Variants in CLASP1 observed in about 807,000 individuals in gnomAD.
CLASP1 encodes CLIP-associating protein 1.
In CLASP1, 38 loss-of-function variants were observed where a neutral mutation model predicts 192.3. The ratio of observed to expected loss-of-function variants is 0.20; its 90% CI spans 0.15 to 0.26. The LOEUF (loss-of-function observed/expected upper bound fraction) is 0.26, where lower values mean the gene tolerates loss of function less well. Ranked by LOEUF, CLASP1 falls within the 10% of genes least tolerant of loss-of-function variation. CLASP1 has a pLI of 1.00. For synonymous variants in CLASP1, 691 were observed against 712.8 expected, an observed-to-expected ratio of 0.97 and a Z score of 0.49; for missense variants, 1,433 against 1,932.5, an observed-to-expected ratio of 0.74 and a Z score of 4.85.
rs1036071998 is a variant in CLASP1 at position 121,474,341 on chromosome 2, T to C, written c.713-4381A>G. Among the ~76,000 whole-genome samples, 14 of 152,264 alleles carry C rather than the reference T, an allele frequency of 9.2e-5. 1 individual carries two copies. The South Asian group carries it at 2.9e-3, about 32-fold the overall frequency. ...TATATTTTTCAAAGTTAATCATAAC[T>C]TGTCTAAATTGCCTGAAGATGTCAC... On this transcript the variant is annotated intron_variant, in intron 8 of 39. Coordinates refer to ENST00000263710, the Ensembl canonical transcript of CLASP1.
At chr2:121,461,534 C>G (rs1239882031) in intron 10 of CLASP1, among the ~76,000 whole-genome samples, 1 of 152,166 alleles carries the variant, frequency 6.6e-6, no homozygotes, top group African/African-American at 2.4e-5. Flanking sequence ...TAACATGACA[C>G]TATACCTATA....
At chr2:121,447,453 C>T (rs371060582) in exon 19 of CLASP1, 12 of 1,558,430 alleles carry the variant, frequency 7.7e-6, no homozygotes, top group South Asian at 5.9e-5. Context: ...AATATCACTT[C>T]GAGATCGCTG....
intron 1 of CLASP1, among the ~76,000 whole-genome samples, chr2:121,642,731 C>CA (rs1265916817): frequency 6.6e-6 from 1 of 151,542 alleles, no homozygotes; most frequent in African/African-American, 2.4e-5. Context: ...GACCCTGTCC[C>CA]AAAAAAAATC....
chr2:121,596,148 C>T (rs1486284719), intron 2 of CLASP1, among the ~76,000 whole-genome samples: 1 of 152,198 alleles, frequency 6.6e-6, no homozygotes, highest in Non-Finnish European at 1.5e-5. Flanking sequence ...ATCAAGGACA[C>T]CATTTTTACC....
chr2:121,401,830 T>G (rs939584703), intron 27 of CLASP1, 38 bp downstream of exon 28: 1 of 769,870 alleles, frequency 1.3e-6, no homozygotes, highest in South Asian at 1.4e-5. Flanking sequence ...GAAAATGTAG[T>G]GCAGAAAACA....
intron 26 of CLASP1, chr2:121,402,636 C>T (rs774058174): frequency 5.8e-6 from 3 of 518,976 alleles, no homozygotes; most frequent in South Asian, 4.2e-5. Flanking sequence ...CCTTCTTTAT[C>T]CTCACATTCT....
intron 2 of CLASP1, among the ~76,000 whole-genome samples, chr2:121,534,790 G>A (rs780773302): frequency 6.6e-6 from 1 of 152,104 alleles, no homozygotes; most frequent in East Asian, 1.9e-4. Flanking sequence ...AGCTCCCAAA[G>A]TGCTGGGATT....
At chr2:121,444,896 G>C (rs376661598) in intron 19 of CLASP1, 1 of 1,313,306 alleles carries the variant, frequency 7.6e-7, no homozygotes, top group African/African-American at 1.5e-5. Flanking sequence ...CAGAGGACCA[G>C]AGAAAGTGAG....
At chr2:121,367,973 A>T in intron 34 of CLASP1, 142 bp from the exon 36 acceptor site, 3 of 1,072,600 alleles carry the variant, frequency 2.8e-6, no homozygotes, top group Non-Finnish European at 4.0e-6. Context: ...TAGTACTGCA[A>T]TGTAAAAATA....
intron 30 of CLASP1, among the ~76,000 whole-genome samples, chr2:121,396,034 G>A (rs1019634597): frequency 4.6e-5 from 7 of 152,048 alleles, no homozygotes; most frequent in Non-Finnish European, 8.8e-5. Context: ...AACCCCAATC[G>A]AAAAAACAAC....
At chr2:121,579,401 A>T (rs2060894489) in intron 2 of CLASP1, among the ~76,000 whole-genome samples, 2 of 152,238 alleles carry the variant, frequency 1.3e-5, no homozygotes, top group Non-Finnish European at 2.9e-5. Context: ...GTATATGCAC[A>T]GGTTGTGCAG....
At chr2:121,594,344 A>C (rs1283547282) in intron 2 of CLASP1, among the ~76,000 whole-genome samples, 1 of 151,868 alleles carries the variant, frequency 6.6e-6, no homozygotes, top group Non-Finnish European at 1.5e-5. Flanking sequence ...CATTAGCATG[A>C]CAACAGGTGA....
At chr2:121,562,969 C>T (rs564489668) in intron 2 of CLASP1, among the ~76,000 whole-genome samples, 1 of 152,314 alleles carries the variant, frequency 6.6e-6, no homozygotes, top group East Asian at 1.9e-4. Context: ...ACAGGCCAAG[C>T]TAATCACGTG....
At chr2:121,495,179 TG>T (rs1424437583) in intron 8 of CLASP1, among the ~76,000 whole-genome samples, 9 of 151,272 alleles carry the variant, frequency 5.9e-5, no homozygotes, top group Non-Finnish European at 1.5e-5. Flanking sequence ...ACAAATTAGC[TG>T]GGCGTGGTGG....
chr2:121,530,119 C>A, intron 3 of CLASP1, 128 bp downstream of exon 3: 1 of 648,252 alleles, frequency 1.5e-6, no homozygotes, highest in South Asian at 1.9e-5. Context: ...TTGGGAGGAG[C>A]GGAAGGGAGG....
chr2:121,383,991 G>GATAT (rs139095697), intron 32 of CLASP1, among the ~76,000 whole-genome samples: 1,963 of 129,480 alleles, frequency 0.015, 22 homozygotes, highest in African/African-American at 0.026. Flanking sequence ...TCACTGGTGA[G>GATAT]ATATATATAT....
intron 14 of CLASP1, among the ~76,000 whole-genome samples, chr2:121,455,261 T>C (rs539593847): frequency 3.2e-4 from 48 of 152,236 alleles, no homozygotes; most frequent in Non-Finnish European, 6.2e-4. Flanking sequence ...TTGTCTTTCA[T>C]GTAGTTATTA....
chr2:121,417,081 T>C (rs972547601), intron 23 of CLASP1, among the ~76,000 whole-genome samples: 5 of 152,214 alleles, frequency 3.3e-5, no homozygotes, highest in Non-Finnish European at 5.9e-5. Flanking sequence ...GACCCACGCC[T>C]TCTGCCTTGG....
Position 121,457,656 on chromosome 2 carries a change from AAAAACAATGAGAAAATCC to A in CLASP1, c.1385+13_1385+30del. The A allele has an allele frequency of 1.3e-6, 2 of 1,563,340 alleles. No individual in the cohort carries two copies. The highest frequency in any genetic ancestry group is 1.8e-6 in the Non-Finnish European group (2 of 1,139,748). On this transcript the variant is annotated intron_variant, in intron 14 of 39. Coordinates refer to ENST00000263710, the Ensembl canonical transcript of CLASP1. ...ATTTGTTTTGGTTTTTAAACAATTC[AAAAACAATGAGAAAATCC>A]TTTAAAATTTACCTTCTAACTGCGA...
Sources: allele counts gnomAD v4.1 joint callset (sites outside exome capture counted in the v4.1 genomes callset), GRCh38; gene constraint gnomAD v4.1.1; transcripts MANE v1.5; gene names NCBI Gene and HGNC (gene_info 2026-07-23, HGNC 2026-07-21).